Variants in CCDC25 observed in about 807,000 individuals in gnomAD.
The protein encoded by CCDC25 is coiled-coil domain containing 25.
CCDC25 carries 16 observed loss-of-function variants against 35.3 expected under a neutral mutation model. The ratio of observed to expected loss-of-function variants is 0.45; its 90% CI spans 0.31 to 0.69. The LOEUF (loss-of-function observed/expected upper bound fraction) is 0.69, where lower values mean the gene tolerates loss of function less well. Ranked by LOEUF, CCDC25 falls within the 30% of genes least tolerant of loss-of-function variation. CCDC25 has a pLI of 0.06. For synonymous variants in CCDC25, 79 were observed against 80.3 expected (o/e 0.98, Z 0.09); for missense variants, 179 against 250.7 (o/e 0.71, Z 1.93).
Position 27,767,583 on chromosome 8 carries a change from G to C in CCDC25, c.29-2332C>G, listed in dbSNP as rs370659994. 5.9e-5 allele frequency among the ~76,000 whole-genome samples: 9 copies of C among 152,086 alleles called. No homozygotes were observed. In the East Asian group the frequency reaches 1.7e-3, roughly 29 times the overall value. ...AAAGACAAAGACTGAGCAATTGCTC[G>C]CGATTAGAGGAGGCTACAGAATAAT... On this transcript the variant is annotated intron_variant, in intron 1 of 8. Coordinates refer to ENST00000356537, the MANE Select transcript of CCDC25 (RefSeq NM_018246.3).
At chr8:27,762,597 G>C (rs1193137418) in intron 2 of CCDC25, 139 bp from the exon 3 acceptor site, 2 of 606,746 alleles carry the variant, frequency 3.3e-6, no homozygotes, top group African/African-American at 3.9e-5. Flanking sequence ...CGGAGGCCTT[G>C]ATGCTTGAAA....
intron 3 of CCDC25, among the ~76,000 whole-genome samples, chr8:27,757,106 T>C (rs188057119): frequency 1.3e-5 from 2 of 152,296 alleles, no homozygotes; most frequent in East Asian, 3.9e-4. Flanking sequence ...TGAGATTTGG[T>C]TGGCCCCTGA....
intron 1 of CCDC25, among the ~76,000 whole-genome samples, chr8:27,768,840 AC>A (rs1239664519): frequency 1.3e-5 from 2 of 152,212 alleles, no homozygotes; most frequent in African/African-American, 4.8e-5. Flanking sequence ...GATGATATTA[AC>A]AGGTATTAAA....
Position 27,748,285 on chromosome 8 carries a change from A to G in CCDC25, c.349-6T>C, listed in dbSNP as rs1741938241. 1.2e-6 allele frequency: 2 copies of G among 1,609,096 alleles called. No homozygotes were observed. Among genetic ancestry groups the G allele is most frequent in the Non-Finnish European group, 1.7e-6 (2 of 1,177,996 alleles). On this transcript the variant is annotated splice_region_variant and splice_polypyrimidine_tract_variant and intron_variant, in intron 6 of 8. Coordinates refer to ENST00000356537, the MANE Select transcript of CCDC25 (RefSeq NM_018246.3). The stretch of plus-strand genomic sequence containing the variant: ...TCCACTGTCACAATTTTTACCTTTA[A>G]GGGAGATAGGAGAAAAGATATTGCA...
intron 1 of CCDC25, among the ~76,000 whole-genome samples, chr8:27,766,921 T>C (rs1244849461): frequency 6.7e-6 from 1 of 150,008 alleles, no homozygotes; most frequent in Admixed American, 6.6e-5. Flanking sequence ...TAATGGTATG[T>C]GTGTGTATAT....
intron 2 of CCDC25, chr8:27,764,389 C>A: frequency 3.4e-6 from 1 of 291,832 alleles, no homozygotes; most frequent in Non-Finnish European, 6.8e-6. Flanking sequence ...CTGCCTCAGC[C>A]TCCAGAGTAG....
intron 8 of CCDC25, among the ~76,000 whole-genome samples, chr8:27,740,053 G>C (rs1314072906): frequency 6.6e-6 from 1 of 152,124 alleles, no homozygotes; most frequent in Non-Finnish European, 1.5e-5. Flanking sequence ...TAAGATCTTA[G>C]GGTAAGTTAT....
intron 5 of CCDC25, 60 bp from the exon 6 acceptor site, chr8:27,748,658 T>G: frequency 8.0e-7 from 1 of 1,245,782 alleles, no homozygotes; most frequent in Non-Finnish European, 1.2e-6. Context: ...TGTGTTCCCT[T>G]ACCCACTGGC....
chr8:27,756,785 A>T lies in CCDC25; in HGVS notation c.117-15T>A. 6.2e-7 allele frequency: 1 copy of T among 1,601,922 alleles called. No homozygotes were observed. The highest frequency in any genetic ancestry group is 8.6e-7 in the Non-Finnish European group (1 of 1,169,048). On this transcript the variant is annotated splice_polypyrimidine_tract_variant and intron_variant, in intron 3 of 8. Coordinates refer to ENST00000356537, the MANE Select transcript of CCDC25 (RefSeq NM_018246.3). ...CCACATGAAACCTACAAAGAATGAA[A>T]ACCACTTTTAGCAAGAGGTACAAGA...
At position 27,735,888 on chromosome 8, in the gene CCDC25, CA is replaced by C; in HGVS notation, c.*327del. ...TGTTTTCAGGGATAGACCAGAGCAG[CA>C]GAAGTACTTTTCAGAGCTGGTTCAT... On this transcript the variant is annotated 3_prime_UTR_variant, in exon 9 of 9. Transcript: ENST00000356537. The C allele has an allele frequency of 4.4e-6, 1 of 227,916 alleles. No individual in the cohort carries two copies. The highest frequency in any genetic ancestry group is 8.5e-6 in the Non-Finnish European group (1 of 117,886). The allele number at this position is 227,916 out of a possible 1,614,324, so 14.1% of individuals were successfully genotyped here.
chr8:27,772,034 T>C (rs1334021980), intron 1 of CCDC25: 1 of 158,192 alleles, frequency 6.3e-6, no homozygotes, highest in Non-Finnish European at 1.4e-5. Flanking sequence ...TTGTTTTCTG[T>C]TGCATCCCAG....
chr8:27,767,375 T>A (rs1230954746), intron 1 of CCDC25, among the ~76,000 whole-genome samples: 1 of 151,824 alleles, frequency 6.6e-6, no homozygotes, highest in African/African-American at 2.4e-5. Context: ...AAAGAAAAAA[T>A]AATAACTGAT....
rs1284458154 is a variant in CCDC25, at chr8:27,737,913, C to A, written c.598-1668G>T. Among the ~76,000 whole-genome samples the A allele has an allele frequency of 6.6e-6, 1 of 151,140 alleles. No homozygotes were observed. Among genetic ancestry groups the A allele is most frequent in the African/African-American group, 2.4e-5 (1 of 40,908 alleles). ...ACACACACACACACACACACACACACAAAGGAATACTATGCAGCTATAAAA... is the reference window on the plus strand; with the variant it reads ...ACACACACACACACACACACACACAAAAAGGAATACTATGCAGCTATAAAA... On this transcript the variant is annotated intron_variant, in intron 8 of 8. Transcript: ENST00000356537. The surrounding 1 kb of genome is among the most constrained non-coding windows in gnomAD (Gnocchi z 4.6).
Position 27,762,332 on chromosome 8 carries a change from C to A in CCDC25, c.116+87G>T, listed in dbSNP as rs565741992. The A allele has an allele frequency of 1.6e-5, 19 of 1,201,688 alleles. No individual in the cohort carries two copies. The African/African-American group carries it at 2.7e-4, about 17-fold the overall frequency. The allele number at this position is 1,201,688 out of a possible 1,614,324, so 74.4% of individuals were successfully genotyped here. ...CCCTGAAGACCCATAAACCACAGTA[C>A]AAAGCATGATTCTAGTTTGAATGCT... On this transcript the variant is annotated intron_variant, in intron 3 of 8. Coordinates refer to ENST00000356537, the MANE Select transcript of CCDC25 (RefSeq NM_018246.3).
At chr8:27,767,239 G>T (rs1437495506) in intron 1 of CCDC25, among the ~76,000 whole-genome samples, 1 of 152,120 alleles carries the variant, frequency 6.6e-6, no homozygotes, top group Non-Finnish European at 1.5e-5. Flanking sequence ...GGTGGCACAC[G>T]CCAGTGGTTC....
In CCDC25 at chr8:27,772,611, A is replaced by G; in HGVS notation, c.-71T>C. The G allele has an allele frequency of 3.4e-6, 5 of 1,483,254 alleles. No homozygotes were observed. The highest frequency in any genetic ancestry group is 2.4e-5 in the South Asian group (2 of 82,234). The allele number at this position is 1,483,254 out of a possible 1,614,324, so 91.9% of individuals were successfully genotyped here. ...CAACTCACGAAGCTCAGGATACCAGACTCGCGGCGGCCGCCTGGCCCCCGG... is the reference window on the plus strand; with the variant it reads ...CAACTCACGAAGCTCAGGATACCAGGCTCGCGGCGGCCGCCTGGCCCCCGG... On this transcript the variant is annotated 5_prime_UTR_variant, in exon 1 of 9. Coordinates refer to ENST00000356537, the MANE Select transcript of CCDC25 (RefSeq NM_018246.3).
At chr8:27,766,492 A>C (rs1804403819) in intron 1 of CCDC25, among the ~76,000 whole-genome samples, 1 of 152,222 alleles carries the variant, frequency 6.6e-6, no homozygotes. Flanking sequence ...AAGTACCTTG[A>C]AAGAATGTGT....
intron 5 of CCDC25, among the ~76,000 whole-genome samples, chr8:27,752,286 G>A (rs910959440): frequency 6.6e-6 from 1 of 152,136 alleles, no homozygotes; most frequent in Non-Finnish European, 1.5e-5. Flanking sequence ...AAAGAGCCGA[G>A]ACTTAGACAG....
chr8:27,758,828 T>C (rs1804109991), intron 3 of CCDC25, among the ~76,000 whole-genome samples: 1 of 152,224 alleles, frequency 6.6e-6, no homozygotes. Context: ...ATATATTTAA[T>C]GATATTCATA....
Sources: gnomAD v4.1 joint callset for allele counts (sites outside exome capture counted in the v4.1 genomes callset) on GRCh38, gnomAD v4.1.1 for gene constraint, Gnocchi (gnomAD v3.1) non-coding constraint, MANE v1.5 for transcripts, NCBI Gene and HGNC (gene_info 2026-07-23, HGNC 2026-07-21) for gene names.